The following DOCK2 variants were observed in gnomAD, a reference collection of about 807,000 sequenced individuals.
The protein encoded by DOCK2 is dedicator of cytokinesis 2.
A neutral mutation model predicts 248.9 loss-of-function variants in DOCK2; 87 were observed. The ratio of observed to expected loss-of-function variants is 0.35; its 90% CI spans 0.29 to 0.42. The LOEUF is 0.42. Among genes scored for constraint, DOCK2 ranks in the 10% least tolerant of loss-of-function variants. The pLI is 1.00. For synonymous variants in DOCK2, 805 were observed against 821.6 expected (o/e 0.98, Z 0.35); for missense variants, 1,747 against 2,300.2 (o/e 0.76, Z 4.92).
chr5:170,003,791 G>C (rs571192793), intron 30 of DOCK2, among the ~76,000 whole-genome samples: 1 of 152,200 alleles, frequency 6.6e-6, no homozygotes, highest in Non-Finnish European at 1.5e-5. Context: ...AGAAAGGCTT[G>C]GGGCAGAGGC....
chr5:169,807,158 T>C (rs938835963), intron 26 of DOCK2, among the ~76,000 whole-genome samples: 1 of 152,016 alleles, frequency 6.6e-6, no homozygotes, highest in Non-Finnish European at 1.5e-5. Context: ...TCTGACTGAA[T>C]TGGTCTGGGG....
chr5:169,681,427 AT>A (rs35535700), intron 6 of DOCK2, among the ~76,000 whole-genome samples: 1,725 of 137,966 alleles, frequency 0.013, 11 homozygotes, highest in Middle Eastern at 0.02. Flanking sequence ...CCCAGCTAAC[AT>A]TTTTTTTTTT....
chr5:169,758,430 T>A (rs926192503), intron 23 of DOCK2, among the ~76,000 whole-genome samples: 10 of 152,312 alleles, frequency 6.6e-5, no homozygotes, highest in African/African-American at 2.4e-4. Context: ...TCATGCCTTA[T>A]CTGGTATGAA....
intron 6 of DOCK2, among the ~76,000 whole-genome samples, chr5:169,676,812 A>C (rs917984944): frequency 6.6e-6 from 1 of 152,166 alleles, no homozygotes; most frequent in Non-Finnish European, 1.5e-5. Flanking sequence ...TCAGATATCA[A>C]ACTTTCTTTG....
At chr5:169,971,838 C>T (rs555573198) in intron 27 of DOCK2, among the ~76,000 whole-genome samples, 4 of 152,336 alleles carry the variant, frequency 2.6e-5, no homozygotes, top group South Asian at 2.1e-4. Flanking sequence ...AAATATCTCT[C>T]GTAGTTACCC....
intron 1 of DOCK2, among the ~76,000 whole-genome samples, chr5:169,640,024 A>G (rs1757065104): frequency 6.6e-6 from 1 of 152,142 alleles, no homozygotes; most frequent in South Asian, 2.1e-4. Flanking sequence ...CTGCCTCTTC[A>G]TTGCTTTCTG....
chr5:169,675,523 A>G (rs1180193827), intron 6 of DOCK2, among the ~76,000 whole-genome samples: 1 of 152,228 alleles, frequency 6.6e-6, no homozygotes. Context: ...GAGAAGTTCG[A>G]TAGCTCAGGA....
intron 25 of DOCK2, among the ~76,000 whole-genome samples, chr5:169,796,446 T>G (rs1409230339): frequency 1.3e-5 from 2 of 152,122 alleles, no homozygotes; most frequent in Non-Finnish European, 2.9e-5. Context: ...CTTCTATTAT[T>G]TCTGGGTGAG....
chr5:169,853,221 C>G (rs779194067), intron 27 of DOCK2, among the ~76,000 whole-genome samples: 3 of 152,206 alleles, frequency 2.0e-5, no homozygotes, highest in Admixed American at 6.5e-5. Flanking sequence ...ACTGTAAGTC[C>G]AATAGGCCTC....
rs1457804009 is a variant in DOCK2, at chr5:169,759,755, C to G, written c.2427C>G (p.Val809=). The G allele has an allele frequency of 6.2e-7, 1 of 1,613,990 alleles. No homozygotes were observed. Among genetic ancestry groups the G allele is most frequent in the Non-Finnish European group, 8.5e-7 (1 of 1,179,912 alleles). ...CTGTCCTGCATGATGTAGAAATGGT[C>G]TTTGATGCGAAGTTACTCAGGTGAG... ...IPSVLHDVEM[V]FDAKLLSQLL... is the part of the protein sequence containing the mutation. Residue 809 remains valine, a synonymous_variant, in exon 24 of 52, where the codon GTC becomes GTG. Transcript: ENST00000520908.
chr5:169,864,141 T>C, intron 27 of DOCK2: 2 of 792,926 alleles, frequency 2.5e-6, no homozygotes, highest in Non-Finnish European at 4.0e-6. Context: ...TCCAAGGCTC[T>C]TCTGTTTCAC....
intron 27 of DOCK2, among the ~76,000 whole-genome samples, chr5:169,924,273 G>C (rs2113660428): frequency 6.6e-6 from 1 of 152,320 alleles, no homozygotes; most frequent in Admixed American, 6.5e-5. Flanking sequence ...GTCAGGCCAA[G>C]AGACATCAAG....
chr5:169,937,289 C>A (rs1043166788), intron 27 of DOCK2, among the ~76,000 whole-genome samples: 1 of 152,146 alleles, frequency 6.6e-6, no homozygotes, highest in Non-Finnish European at 1.5e-5. Context: ...AAAAATCTGA[C>A]CCTTTGAGAA....
At chr5:170,029,515 C>T (rs1756049149) in intron 34 of DOCK2, among the ~76,000 whole-genome samples, 1 of 152,164 alleles carries the variant, frequency 6.6e-6, no homozygotes, top group African/African-American at 2.4e-5. Context: ...GAATAATAAG[C>T]TCCTGTGGTT....
intron 27 of DOCK2, among the ~76,000 whole-genome samples, chr5:169,929,678 G>A (rs913533356): frequency 6.7e-6 from 1 of 149,990 alleles, no homozygotes; most frequent in Non-Finnish European, 1.5e-5. Context: ...GGATATGGAG[G>A]TCACAGTGAG....
intron 25 of DOCK2, among the ~76,000 whole-genome samples, chr5:169,769,863 G>A (rs551720700): frequency 6.6e-6 from 1 of 152,278 alleles, no homozygotes; most frequent in South Asian, 2.1e-4. Flanking sequence ...TCTGTTTATG[G>A]GACTGTCTAT....
At chr5:169,651,497 C>T (rs75145122) in intron 1 of DOCK2, among the ~76,000 whole-genome samples, 9,464 of 152,174 alleles carry the variant, frequency 0.062, 334 homozygotes, top group South Asian at 0.1. Context: ...ACGGTCCTGC[C>T]CCACCTCCAC....
intron 27 of DOCK2, among the ~76,000 whole-genome samples, chr5:169,878,098 A>G (rs1772433283): frequency 6.6e-6 from 1 of 152,228 alleles, no homozygotes; most frequent in Non-Finnish European, 1.5e-5. Flanking sequence ...AGCACTGCTG[A>G]CTATTTTTAG....
chr5:169,805,013 A>G (rs1308593128), intron 26 of DOCK2, among the ~76,000 whole-genome samples: 1 of 152,136 alleles, frequency 6.6e-6, no homozygotes, highest in Non-Finnish European at 1.5e-5. Context: ...GTTTTTTTAA[A>G]GGGAGATTTC....
Sources: gnomAD v4.1 joint callset for allele counts (sites outside exome capture counted in the v4.1 genomes callset) on GRCh38, gnomAD v4.1.1 for gene constraint, MANE v1.5 for transcripts, NCBI Gene and HGNC (gene_info 2026-07-23, HGNC 2026-07-21) for gene names.